BCL7C: variants seen among roughly 807,000 people sequenced by gnomAD.
The protein encoded by BCL7C is B-cell CLL/lymphoma 7 protein family member C.
In BCL7C, 8 loss-of-function variants were observed where a neutral mutation model predicts 26.2. The observed-to-expected ratio is 0.30, with a 90% CI of 0.18 to 0.55. The LOEUF is 0.55. BCL7C is among the 20% of genes least tolerant of loss of function. BCL7C has a pLI of 0.93. For missense variants in BCL7C, 262 were observed against 298.5 expected (o/e 0.88, Z 0.90); for synonymous variants, 90 against 116.5 (o/e 0.77, Z 1.47).
intron 5 of BCL7C, among the ~76,000 whole-genome samples, chr16:30,867,191 A>C (rs576253954): frequency 3.9e-5 from 6 of 152,312 alleles, no homozygotes; most frequent in African/African-American, 1.2e-4. Context: ...TTCCAGGCCC[A>C]AAAAAACATG....
chr16:30,850,786 A>G (rs2054668253), intron 5 of BCL7C, among the ~76,000 whole-genome samples: 1 of 152,216 alleles, frequency 6.6e-6, no homozygotes, highest in Non-Finnish European at 1.5e-5. Context: ...TGAGTTAGTA[A>G]GTCAGTAGTG....
Position 30,893,182 on chromosome 16 carries a change from C to A in BCL7C, c.171+30G>T. ...GAACTTGCCTGAGGTTGCACAGATG[C>A]AGGGCCTTGTGGGAATGGGGGTTGC... is the stretch of plus-strand genomic sequence containing the variant. On this transcript the variant is annotated intron_variant, in intron 2 of 5. Coordinates refer to ENST00000215115, the MANE Select transcript of BCL7C (RefSeq NM_004765.4). The surrounding 1 kb of genome is among the most constrained non-coding windows in gnomAD (Gnocchi z 5.2). 1 of 1,604,400 alleles carries A rather than the reference C, an allele frequency of 6.2e-7. No homozygotes were observed. The highest frequency in any genetic ancestry group is 8.5e-7 in the Non-Finnish European group (1 of 1,173,818).
intron 5 of BCL7C, chr16:30,851,217 CA>C: frequency 3.4e-6 from 1 of 293,494 alleles, no homozygotes; most frequent in Non-Finnish European, 6.8e-6. Context: ...GTGGATGAGG[CA>C]AAATTTCATA....
intron 5 of BCL7C, among the ~76,000 whole-genome samples, chr16:30,846,199 AATTTATTTATTTATTT>A (rs748604975): frequency 1.5e-5 from 2 of 131,452 alleles, no homozygotes; most frequent in African/African-American, 3.1e-5. Context: ...CTAATTTTAA[AATTTATTTATTTATTT>A]ATTTATTTAT....
intron 4 of BCL7C, among the ~76,000 whole-genome samples, chr16:30,890,061 G>A (rs921130160): frequency 1.3e-5 from 2 of 152,068 alleles, no homozygotes; most frequent in African/African-American, 4.8e-5. Flanking sequence ...AGGGAGCCTA[G>A]GAGGAAGAGG....
intron 5 of BCL7C, among the ~76,000 whole-genome samples, chr16:30,859,613 A>C (rs1486745071): frequency 1.3e-5 from 2 of 149,568 alleles, no homozygotes; most frequent in Non-Finnish European, 3.0e-5. Context: ...TCTAACTGAT[A>C]CGATATATTC....
At chr16:30,840,489 A>T (rs538078847) in intron 5 of BCL7C, among the ~76,000 whole-genome samples, 1 of 152,320 alleles carries the variant, frequency 6.6e-6, no homozygotes, top group African/African-American at 2.4e-5. Context: ...AAGTGCTGGG[A>T]TTACAGGCGT....
At chr16:30,870,952 T>C (rs2054877276) in intron 5 of BCL7C, among the ~76,000 whole-genome samples, 1 of 152,202 alleles carries the variant, frequency 6.6e-6, no homozygotes, top group African/African-American at 2.4e-5. Flanking sequence ...TCTGTAATAT[T>C]GGAAGAATAG....
chr16:30,859,274 AT>A (rs946465900), intron 5 of BCL7C, among the ~76,000 whole-genome samples: 22 of 152,182 alleles, frequency 1.4e-4, no homozygotes, highest in African/African-American at 5.3e-4. Context: ...TAGACTGGGA[AT>A]TTGTGCATCA....
rs143148812 is a variant in BCL7C, at chr16:30,862,593, A to T, written c.528+26267T>A. 4.3e-4 allele frequency among the ~76,000 whole-genome samples: 66 copies of T among 152,166 alleles called. No homozygotes were observed. In the East Asian group the frequency reaches 0.012, roughly 28 times the overall value. Reference sequence around the variant, plus strand: ...TCCTCCAACATCTATTCTCAAAGGGATATCTCGTATCCCCCTCCAAAGCCC... The same window carrying T: ...TCCTCCAACATCTATTCTCAAAGGGTTATCTCGTATCCCCCTCCAAAGCCC... On this transcript the variant is annotated intron_variant, in intron 5 of 5. Coordinates refer to the BCL7C transcript ENST00000380317.
downstream of BCL7C, among the ~76,000 whole-genome samples, chr16:30,883,381 C>T (rs760374131): frequency 3.3e-5 from 5 of 151,822 alleles, no homozygotes; most frequent in Non-Finnish European, 7.4e-5. Flanking sequence ...TACAGGGTCT[C>T]GTTCTGTCAT....
chr16:30,847,690 G>A (rs1484022955), intron 5 of BCL7C, among the ~76,000 whole-genome samples: 2 of 152,084 alleles, frequency 1.3e-5, no homozygotes, highest in African/African-American at 4.8e-5. Flanking sequence ...CAGCTACTCA[G>A]GAGGCTGAGG....
At chr16:30,862,907 C>T (rs1261503641) in intron 5 of BCL7C, among the ~76,000 whole-genome samples, 1 of 152,198 alleles carries the variant, frequency 6.6e-6, no homozygotes, top group Non-Finnish European at 1.5e-5. Flanking sequence ...CTAAAAGCTG[C>T]TCCCACACTA....
chr16:30,868,491 A>T (rs2054850230), intron 5 of BCL7C, among the ~76,000 whole-genome samples: 1 of 150,478 alleles, frequency 6.6e-6, no homozygotes, highest in Non-Finnish European at 1.5e-5. Flanking sequence ...CAGCTATAGA[A>T]AACAATACAA....
intron 5 of BCL7C, chr16:30,852,083 G>A (rs2054679776): frequency 6.4e-6 from 1 of 156,764 alleles, no homozygotes; most frequent in Admixed American, 6.4e-5. Context: ...CAGCTTCAAT[G>A]AGAGCTTTCA....
At chr16:30,865,412 A>G (rs2054816851) in intron 5 of BCL7C, among the ~76,000 whole-genome samples, 1 of 151,808 alleles carries the variant, frequency 6.6e-6, no homozygotes, top group Non-Finnish European at 1.5e-5. Context: ...CTACCAAAAA[A>G]AAAATTTTTT....
intron 5 of BCL7C, among the ~76,000 whole-genome samples, chr16:30,845,390 G>T (rs1029219551): frequency 2.0e-5 from 3 of 152,190 alleles, no homozygotes; most frequent in African/African-American, 7.2e-5. Context: ...TCTCGTGCTT[G>T]ACTCCTCTAA....
intron 5 of BCL7C, among the ~76,000 whole-genome samples, chr16:30,874,851 G>A (rs1329095950): frequency 6.6e-6 from 1 of 152,160 alleles, no homozygotes; most frequent in Non-Finnish European, 1.5e-5. Context: ...GAGAGAATGA[G>A]AAGCGCCGTG....
chr16:30,834,969 G>A lies in BCL7C; in HGVS notation c.708C>T (p.Ile236=). 1 of 1,544,836 alleles carries A rather than the reference G, an allele frequency of 6.5e-7. No homozygotes were observed. Among genetic ancestry groups the A allele is most frequent in the Non-Finnish European group, 8.7e-7 (1 of 1,144,524 alleles). Residue 236 remains isoleucine, a synonymous_variant, in exon 6 of 6, where the codon ATC becomes ATT. Coordinates refer to the BCL7C transcript ENST00000380317. This position sits in a 1 kb window ranked among gnomAD's most constrained non-coding sequence, Gnocchi z 4.3. ...CCACTCACCTCCCCTTACCCTGGGGGATTGTTCTGGGTGCCCTCGGGGCCT... is the reference window on the plus strand; with the variant it reads ...CCACTCACCTCCCCTTACCCTGGGGAATTGTTCTGGGTGCCCTCGGGGCCT...
Sources: allele counts gnomAD v4.1 joint callset (sites outside exome capture counted in the v4.1 genomes callset), GRCh38; gene constraint gnomAD v4.1.1; non-coding constraint Gnocchi (gnomAD v3.1); transcripts MANE v1.5; gene names NCBI Gene and HGNC (gene_info 2026-07-23, HGNC 2026-07-21).